Variants in POLR1A observed in about 807,000 individuals in gnomAD.
The protein encoded by POLR1A is RNA polymerase I subunit A.
POLR1A carries 84 observed loss-of-function variants against 205.3 expected under a neutral mutation model. The observed-to-expected ratio is 0.41, with a 90% CI of 0.34 to 0.49. The LOEUF (loss-of-function observed/expected upper bound fraction) is 0.49. Ranked by LOEUF, POLR1A falls within the 20% of genes least tolerant of loss-of-function variation. The pLI is 0.22. For missense variants in POLR1A, 1,645 were observed against 2,204.5 expected (o/e 0.75, Z 5.08); for synonymous variants, 799 against 863.7 (o/e 0.93, Z 1.31).
intron 3 of POLR1A, among the ~76,000 whole-genome samples, chr2:86,091,203 A>G (rs754422585): frequency 5.3e-4 from 80 of 152,342 alleles, no homozygotes; most frequent in Middle Eastern, 3.4e-3. Context: ...AGCAGAAGCA[A>G]TGAGAATCTT....
chr2:86,054,864 C>T (rs974888718), intron 14 of POLR1A, among the ~76,000 whole-genome samples: 2 of 152,134 alleles, frequency 1.3e-5, no homozygotes, highest in African/African-American at 2.4e-5. Flanking sequence ...ACAGAAGGGC[C>T]GAATGCAGGT....
intron 9 of POLR1A, among the ~76,000 whole-genome samples, chr2:86,079,435 G>GT (rs1213018505): frequency 6.6e-6 from 1 of 152,330 alleles, no homozygotes; most frequent in Admixed American, 6.5e-5. Flanking sequence ...AACACAGAGA[G>GT]TAAGGGGGGA....
At chr2:86,068,396 G>GGGGGT (rs1673122735) in intron 13 of POLR1A, among the ~76,000 whole-genome samples, 1 of 112,792 alleles carries the variant, frequency 8.9e-6, no homozygotes, top group East Asian at 3.4e-4. Flanking sequence ...CGGGGGGGGG[G>GGGGGT]GGCGGGTGTC....
intron 14 of POLR1A, among the ~76,000 whole-genome samples, chr2:86,057,116 C>G (rs1672910756): frequency 6.6e-6 from 1 of 152,100 alleles, no homozygotes; most frequent in Non-Finnish European, 1.5e-5. Context: ...AATGATTCAC[C>G]ATTCTAGATG....
intron 11 of POLR1A, among the ~76,000 whole-genome samples, chr2:86,076,858 C>T (rs900228992): frequency 4.6e-5 from 7 of 152,190 alleles, no homozygotes; most frequent in Admixed American, 4.6e-4. Flanking sequence ...CATGTCTCCT[C>T]GGGACCTCAG....
chr2:86,031,473 G>C lies in POLR1A; in HGVS notation c.4435C>G (p.Leu1479Val). Residue 1479 changes from leucine to valine, a missense_variant, in exon 30 of 34, where the codon CTC becomes GTC. By Grantham distance (32) the Leu-to-Val change is conservative (BLOSUM62 1). This residue lies in a region of POLR1A where 394 missense variants were observed against 468.5 expected (regional missense o/e 0.84). Coordinates refer to ENST00000263857, the MANE Select transcript of POLR1A (RefSeq NM_015425.6). Reference protein sequence around the residue: ...GTEEDPSLPALLTQPRKPTHS... With the variant: ...GTEEDPSLPAVLTQPRKPTHS... ...GTGGGTTTCCGGGGCTGCGTCAGGA[G>C]GGCGGGAAGGGACGGGTCCTCCTCA... 5.6e-6 allele frequency: 9 copies of C among 1,614,216 alleles called. No individual in the cohort carries two copies. Among genetic ancestry groups the C allele is most frequent in the Non-Finnish European group, 6.8e-6 (8 of 1,180,024 alleles).
chr2:86,037,883 T>C (rs937582474), intron 27 of POLR1A, among the ~76,000 whole-genome samples: 4 of 152,234 alleles, frequency 2.6e-5, no homozygotes, highest in African/African-American at 7.2e-5. Context: ...CATTCCTGCA[T>C]AGTAACAGGT....
At chr2:86,044,853 G>C (rs7569577) in intron 21 of POLR1A, among the ~76,000 whole-genome samples, 1 of 152,174 alleles carries the variant, frequency 6.6e-6, no homozygotes, top group East Asian at 1.9e-4. Flanking sequence ...TTACCTCTCC[G>C]GACACTCTGC....
intron 11 of POLR1A, among the ~76,000 whole-genome samples, chr2:86,076,616 T>C (rs530428537): frequency 6.6e-6 from 1 of 152,326 alleles, no homozygotes; most frequent in South Asian, 2.1e-4. Flanking sequence ...ACCATGGCCC[T>C]GAGACTTGCA....
rs187988949 is a variant in POLR1A, at chr2:86,040,418, C to T, written c.3714G>A (p.Glu1238=). ...LNTFHFAGRG[E]MNVTLGIPRL... is the part of the protein sequence containing the mutation. ...TTGGAATGCCCAGGGTGACGTTCAT[C>T]TCGCCTCTGCCTGCAAAGTGGAAGG... The change falls in exon 25 of 34, where the codon GAG becomes GAA. Residue 1238 remains glutamate (E), a synonymous_variant. Transcript: ENST00000263857. 1 of 1,611,750 alleles carries T rather than the reference C, an allele frequency of 6.2e-7. No individual in the cohort carries two copies. Among genetic ancestry groups the T allele is most frequent in the Admixed American group, 1.7e-5 (1 of 59,776 alleles).
intron 8 of POLR1A, 39 bp downstream of exon 8, chr2:86,081,562 C>CT (rs1336739102): frequency 8.2e-6 from 11 of 1,336,720 alleles, no homozygotes; most frequent in Admixed American, 6.0e-5. Context: ...CCTTAGTACG[C>CT]TTTTTTTCAG....
chr2:86,046,403 C>T (rs182840278), intron 19 of POLR1A, among the ~76,000 whole-genome samples: 58 of 152,238 alleles, frequency 3.8e-4, no homozygotes, highest in South Asian at 6.2e-4. Context: ...ATCTAGGTTT[C>T]GATGTAGTCA....
intron 3 of POLR1A, among the ~76,000 whole-genome samples, chr2:86,092,359 G>C (rs575004399): frequency 6.6e-6 from 1 of 152,204 alleles, no homozygotes; most frequent in Admixed American, 6.5e-5. Context: ...GGCCAGGGGG[G>C]CTCCCATAGC....
At chr2:86,077,799 G>GCA (rs141150981) in intron 11 of POLR1A, 60 bp downstream of exon 11, 39,210 of 1,495,042 alleles carry the variant, frequency 0.026, 1,728 homozygotes, top group East Asian at 0.2. Flanking sequence ...AATGAGCCCT[G>GCA]CACGCGCGCG....
At chr2:86,096,019 C>T (rs571438474) in intron 3 of POLR1A, among the ~76,000 whole-genome samples, 9 of 152,130 alleles carry the variant, frequency 5.9e-5, no homozygotes, top group Admixed American at 2.6e-4. Flanking sequence ...TGAGCCACTG[C>T]ACCCAGCCGA....
In POLR1A at chr2:86,052,824, G is replaced by A. The variant is rs1383725311; in HGVS notation, c.2385C>T (p.Phe795=). ...AGCGAGCCCGGCACTTACCCAAGGT[G>A]AAGCCTCTGTAGAGCTGCAGGTAGG... ...FTAYLQLYRG[F]TLGVEDILVK... The change falls in exon 16 of 34, where the codon TTC becomes TTT. Residue 795 remains phenylalanine, a synonymous_variant. Transcript: ENST00000263857. 6.5e-7 allele frequency: 1 copy of A among 1,544,794 alleles called. No individual in the cohort carries two copies. Among genetic ancestry groups the A allele is most frequent in the Admixed American group, 2.0e-5 (1 of 50,702 alleles).
At chr2:86,096,521 C>T (rs750217776) in intron 3 of POLR1A, among the ~76,000 whole-genome samples, 5 of 152,068 alleles carry the variant, frequency 3.3e-5, no homozygotes, top group Non-Finnish European at 7.4e-5. Context: ...TACCAGAATT[C>T]AAAATATACT....
chr2:86,029,776 T>A (rs1672347021), intron 31 of POLR1A, among the ~76,000 whole-genome samples: 1 of 121,276 alleles, frequency 8.2e-6, no homozygotes, highest in Non-Finnish European at 1.7e-5. Context: ...TTTTTTTGTA[T>A]TTTTTAGTAG....
intron 3 of POLR1A, among the ~76,000 whole-genome samples, chr2:86,091,734 T>G (rs1367814974): frequency 6.6e-6 from 1 of 152,148 alleles, no homozygotes; most frequent in Non-Finnish European, 1.5e-5. Flanking sequence ...TTTAAGAAAA[T>G]CCTTTCTTTC....
Sources: gnomAD v4.1 joint callset for allele counts (sites outside exome capture counted in the v4.1 genomes callset) on GRCh38, gnomAD v4.1.1 for gene constraint, gnomAD v4.1.1 regional missense constraint, MANE v1.5 for transcripts, NCBI Gene and HGNC (gene_info 2026-07-23, HGNC 2026-07-21) for gene names.